Variants in MYL11 observed in about 807,000 individuals in gnomAD.
The protein encoded by MYL11 is myosin regulatory light chain 11.
the MYL11 span, chr16:30,376,181 A>G: frequency 1.9e-6 from 3 of 1,614,036 alleles, no homozygotes; most frequent in East Asian, 2.2e-5. Context: ...TGATGGTATT[A>G]TAGACAAGGA....
At chr16:30,377,806 TGTGGGCGGCCTTCCCCCCCGAC>T in the MYL11 span, 3 of 1,613,896 alleles carry the variant, frequency 1.9e-6, no homozygotes, top group South Asian at 1.1e-5. Context: ...ATCAAGAACA[TGTGGGCGGCCTTCCCCCCCGAC>T]GTGGGCGGCA....
At chr16:30,376,511 C>T in the MYL11 span, 12 of 1,614,050 alleles carry the variant, frequency 7.4e-6, no homozygotes, top group Non-Finnish European at 1.0e-5. Flanking sequence ...TGACCATGTT[C>T]GGGGAGAAGC....
At chr16:30,377,860 G>A in the MYL11 span, 2 of 1,613,848 alleles carry the variant, frequency 1.2e-6, no homozygotes, top group Non-Finnish European at 1.7e-6. Context: ...AAAAACATCT[G>A]CTACGTCATC....
chr16:30,377,784 G>C, the MYL11 span: 1 of 1,613,828 alleles, frequency 6.2e-7, no homozygotes, highest in South Asian at 1.1e-5. Context: ...ACGCCCCTAC[G>C]TCTTTCCCCA....
At chr16:30,374,162 A>G in the MYL11 span, among the ~76,000 whole-genome samples, 1 of 151,950 alleles carries the variant, frequency 6.6e-6, no homozygotes, top group East Asian at 1.9e-4. Context: ...AATACAGAAA[A>G]AAAAAATTAG....
At chr16:30,374,829 C>G in the MYL11 span, 2 of 1,613,032 alleles carry the variant, frequency 1.2e-6, no homozygotes, top group Non-Finnish European at 1.7e-6. Context: ...CAGCCGGAGC[C>G]GCTGCCTTGC....
At chr16:30,372,975 G>C in the MYL11 span, 3 of 152,478 alleles carry the variant, frequency 2.0e-5, no homozygotes, top group African/African-American at 7.3e-5. Flanking sequence ...CTCCTAGACA[G>C]GGCTGCTGCG....
chr16:30,376,114 A>C, the MYL11 span: 1 of 1,607,830 alleles, frequency 6.2e-7, no homozygotes, highest in African/African-American at 1.3e-5. Context: ...GCCATGGGGG[A>C]CCTAACCCTC....
chr16:30,375,698 G>A, the MYL11 span: 1 of 752,140 alleles, frequency 1.3e-6, no homozygotes, highest in Non-Finnish European at 2.2e-6. Context: ...AGGAAGGGGA[G>A]ACTCAGGCCA....
the MYL11 span, among the ~76,000 whole-genome samples, chr16:30,374,545 T>G: frequency 6.6e-6 from 1 of 152,166 alleles, no homozygotes; most frequent in African/African-American, 2.4e-5. Context: ...CCCTCTAAAC[T>G]CTGGCACATT....
the MYL11 span, among the ~76,000 whole-genome samples, chr16:30,373,933 C>T: frequency 4.1e-3 from 628 of 152,108 alleles, 4 homozygotes; most frequent in African/African-American, 0.014. Context: ...TTGTGTCTGC[C>T]AAAGTACATC....
the MYL11 span, among the ~76,000 whole-genome samples, chr16:30,375,527 T>A: frequency 6.9e-6 from 1 of 145,720 alleles, no homozygotes; most frequent in Non-Finnish European, 1.5e-5. Flanking sequence ...GTGGCTGGGG[T>A]CACACAGCAA....
the MYL11 span, chr16:30,376,716 C>G: frequency 2.5e-5 from 41 of 1,609,964 alleles, no homozygotes; most frequent in Non-Finnish European, 3.4e-5. Context: ...TCGGCTCCCC[C>G]ACCCTTCCGA....
chr16:30,374,209 G>A, the MYL11 span, among the ~76,000 whole-genome samples: 1 of 151,606 alleles, frequency 6.6e-6, no homozygotes, highest in Non-Finnish European at 1.5e-5. Context: ...CCAGCTACTC[G>A]GGAGGCCAAG....
At chr16:30,371,507 C>T in the MYL11 span, among the ~76,000 whole-genome samples, 3 of 152,170 alleles carry the variant, frequency 2.0e-5, no homozygotes, top group Non-Finnish European at 4.4e-5. Flanking sequence ...ATAAGCAACC[C>T]ATATCTCTGC....
At chr16:30,376,035 TG>T in the MYL11 span, 3 of 1,478,934 alleles carry the variant, frequency 2.0e-6, no homozygotes, top group Non-Finnish European at 2.8e-6. Context: ...CCTCTCTGCT[TG>T]GGGTGGAAGA....
At chr16:30,373,184 C>T in the MYL11 span, among the ~76,000 whole-genome samples, 1 of 152,222 alleles carries the variant, frequency 6.6e-6, no homozygotes, top group South Asian at 2.1e-4. Flanking sequence ...CGCGGTGGCT[C>T]ATGCCTGTAA....
the MYL11 span, chr16:30,376,204 C>T: frequency 6.2e-7 from 1 of 1,614,044 alleles, no homozygotes; most frequent in Admixed American, 1.7e-5. Flanking sequence ...ACCTTCGGGA[C>T]ACCTTCGCAG....
the MYL11 span, among the ~76,000 whole-genome samples, chr16:30,373,177 G>A: frequency 1.8e-4 from 27 of 152,178 alleles, 2 homozygotes; most frequent in Admixed American, 9.8e-4. Context: ...GGCTCGGCGC[G>A]GTGGCTCATG....
Sources: allele counts gnomAD v4.1 joint callset (sites outside exome capture counted in the v4.1 genomes callset), GRCh38; gene constraint gnomAD v4.1.1; transcripts MANE v1.5; gene names NCBI Gene and HGNC (gene_info 2026-07-23, HGNC 2026-07-21).